The following PSD3 variants were observed in gnomAD, a reference collection of about 807,000 sequenced individuals.
PSD3 encodes pleckstrin and Sec7 domain containing 3.
A neutral mutation model predicts 105.5 loss-of-function variants in PSD3; 49 were observed. That is an observed-to-expected ratio of 0.46 (90% CI 0.37 to 0.59). PSD3 has a LOEUF of 0.59. Ranked by LOEUF, PSD3 falls within the 20% of genes least tolerant of loss-of-function variation. The probability of loss-of-function intolerance (pLI) is 0.00; values close to 1 mark genes in which losing one functional copy is unlikely to be tolerated. For synonymous variants in PSD3, 557 were observed against 457.8 expected (o/e 1.22, Z -2.77); for missense variants, 1,561 against 1,263.8 (o/e 1.24, Z -3.57).
intron 1 of PSD3, among the ~76,000 whole-genome samples, chr8:18,957,240 G>A (rs967408577): frequency 5.9e-5 from 9 of 151,984 alleles, no homozygotes; most frequent in Middle Eastern, 3.4e-3. Flanking sequence ...GCATGGTGGC[G>A]CGCGCCTGTA....
chr8:18,942,552 G>C (rs1822615756), intron 1 of PSD3, among the ~76,000 whole-genome samples: 1 of 152,184 alleles, frequency 6.6e-6, no homozygotes, highest in Non-Finnish European at 1.5e-5. Flanking sequence ...TTGGAGATAA[G>C]GTCTTTAAAG....
chr8:18,872,479 G>A lies in PSD3; in HGVS notation c.385C>T (p.Gln129Ter). 3 of 1,614,144 alleles carry A rather than the reference G, an allele frequency of 1.9e-6. No individual in the cohort carries two copies. The highest frequency in any genetic ancestry group is 2.5e-6 in the Non-Finnish European group (3 of 1,180,026). Residue 129 changes from glutamine to a stop codon, truncating the protein, a stop_gained, in exon 3 of 16, where the codon CAG becomes TAG. Transcript: ENST00000327040. LOFTEE classifies it high-confidence loss of function. ...GCTGAAATCAAAGAGTCAATGGGCT[G>A]TAAACTTTGTTCCTTGAGATGACTT... ...SQSHLKEQSL[Q>*]PIDSLISALK...
At chr8:19,046,215 G>A (rs990080216) in intron 1 of PSD3, among the ~76,000 whole-genome samples, 3 of 151,842 alleles carry the variant, frequency 2.0e-5, no homozygotes, top group African/African-American at 7.3e-5. Context: ...AGGTTCAAGC[G>A]ATTCTTCTGC....
At chr8:19,031,066 C>A (rs985629421) in intron 1 of PSD3, among the ~76,000 whole-genome samples, 2 of 152,160 alleles carry the variant, frequency 1.3e-5, no homozygotes, top group Non-Finnish European at 2.9e-5. Context: ...GGCAAATGGA[C>A]TATGTACCAG....
chr8:18,724,822 TATAAC>T (rs1323919773), intron 9 of PSD3, among the ~76,000 whole-genome samples: 1 of 151,960 alleles, frequency 6.6e-6, no homozygotes, highest in Non-Finnish European at 1.5e-5. Context: ...GGAAATAACA[TATAAC>T]TAACTAACAG....
chr8:18,867,527 A>T (rs1317409559), intron 4 of PSD3, 147 bp downstream of exon 4: 1 of 1,044,034 alleles, frequency 9.6e-7, no homozygotes, highest in East Asian at 2.6e-5. Flanking sequence ...CCTGCCCTAA[A>T]ACTCAAATTA....
intron 8 of PSD3, among the ~76,000 whole-genome samples, chr8:18,774,173 T>A (rs975103769): frequency 3.4e-5 from 4 of 116,018 alleles, no homozygotes; most frequent in African/African-American, 1.0e-4. Context: ...ATTCCTTTAG[T>A]TATTCCTTTA....
intron 9 of PSD3, chr8:18,684,237 CA>C (rs1292671974): frequency 2.2e-4 from 48 of 222,844 alleles, no homozygotes; most frequent in African/African-American, 1.0e-3. Flanking sequence ...CACACACACA[CA>C]CACACACACA....
chr8:18,830,907 C>G (rs1200955221), intron 4 of PSD3, among the ~76,000 whole-genome samples: 1 of 152,176 alleles, frequency 6.6e-6, no homozygotes, highest in Non-Finnish European at 1.5e-5. Context: ...CTACAAGAGC[C>G]ATTTACTGGG....
At chr8:18,890,421 AG>A (rs1818714312) in intron 2 of PSD3, among the ~76,000 whole-genome samples, 1 of 152,196 alleles carries the variant, frequency 6.6e-6, no homozygotes, top group Non-Finnish European at 1.5e-5. Context: ...AATTCCAAGA[AG>A]ATATTATGTG....
intron 1 of PSD3, among the ~76,000 whole-genome samples, chr8:19,065,781 G>A (rs944946831): frequency 1.3e-5 from 2 of 152,040 alleles, no homozygotes; most frequent in African/African-American, 4.8e-5. Flanking sequence ...TTCATTATAT[G>A]GCATGATTGA....
Position 18,535,239 on chromosome 8 carries a change from C to T in PSD3, c.*504G>A, listed in dbSNP as rs1458059856. ...TATTGGAGCAACTAGATTCCCAGCA[C>T]TGTGATTCTTACTGGAGCATCTGTG... is the stretch of plus-strand genomic sequence containing the variant. On this transcript the variant is annotated 3_prime_UTR_variant, in exon 16 of 16. Transcript: ENST00000327040. The T allele has an allele frequency of 1.2e-5, 2 of 161,708 alleles. No individual in the cohort carries two copies. Among genetic ancestry groups the T allele is most frequent in the Non-Finnish European group, 2.7e-5 (2 of 73,012 alleles). 10.0% of individuals were successfully genotyped at this position (161,708 alleles called of 1,614,324 possible). A position where few individuals can be genotyped will look rare whatever the true frequency, so the allele number is the denominator to read the frequency against.
chr8:18,949,332 C>T (rs1488320189), intron 1 of PSD3, among the ~76,000 whole-genome samples: 1 of 129,232 alleles, frequency 7.7e-6, no homozygotes, highest in Non-Finnish European at 1.6e-5. Context: ...CAAATTAAAT[C>T]AATGTTATTT....
intron 12 of PSD3, among the ~76,000 whole-genome samples, chr8:18,577,906 C>T (rs1338559776): frequency 1.3e-5 from 2 of 151,950 alleles, no homozygotes; most frequent in Non-Finnish European, 2.9e-5. Context: ...CCTCTCATAC[C>T]TTTGCTATTT....
chr8:19,056,471 C>T (rs1197347360), intron 1 of PSD3, among the ~76,000 whole-genome samples: 1 of 152,208 alleles, frequency 6.6e-6, no homozygotes, highest in African/African-American at 2.4e-5. Context: ...ATTCCATGTA[C>T]ACAATCTAAT....
intron 1 of PSD3, among the ~76,000 whole-genome samples, chr8:18,946,851 G>A (rs924008003): frequency 1.3e-5 from 2 of 151,500 alleles, no homozygotes; most frequent in African/African-American, 4.8e-5. Flanking sequence ...GTTGCAGTGA[G>A]CTGAGATTGT....
intron 1 of PSD3, among the ~76,000 whole-genome samples, chr8:19,019,697 A>G (rs1028610192): frequency 1.3e-5 from 2 of 152,184 alleles, no homozygotes; most frequent in Non-Finnish European, 2.9e-5. Flanking sequence ...TAGTCAACAT[A>G]CCTAAAATCA....
intron 1 of PSD3, among the ~76,000 whole-genome samples, chr8:18,942,881 T>A (rs1158447849): frequency 6.6e-6 from 1 of 152,192 alleles, no homozygotes; most frequent in Non-Finnish European, 1.5e-5. Context: ...AAAAGGAAAA[T>A]TCTCCAGGAT....
intron 12 of PSD3, among the ~76,000 whole-genome samples, chr8:18,586,323 T>A (rs1803183354): frequency 6.6e-6 from 1 of 152,180 alleles, no homozygotes; most frequent in South Asian, 2.1e-4. Flanking sequence ...TGATGACTAT[T>A]GTGACTTTTT....
Sources: allele counts gnomAD v4.1 joint callset (sites outside exome capture counted in the v4.1 genomes callset), GRCh38; gene constraint gnomAD v4.1.1; transcripts MANE v1.5; gene names NCBI Gene and HGNC (gene_info 2026-07-23, HGNC 2026-07-21).